OPA1: variants seen among roughly 807,000 people sequenced by gnomAD.
OPA1 encodes the protein OPA1 mitochondrial dynamin like GTPase.
Under a neutral mutation model 152.9 loss-of-function variants are expected in OPA1, and 59 were observed. That is an observed-to-expected ratio of 0.39 (90% CI 0.31 to 0.48). The LOEUF (loss-of-function observed/expected upper bound fraction) is 0.48. Among genes scored for constraint, OPA1 ranks in the 20% least tolerant of loss-of-function variants. The pLI is 0.96. For missense variants in OPA1, 1,008 were observed against 1,216.8 expected (o/e 0.83, Z 2.55); for synonymous variants, 400 against 389.9 (o/e 1.03, Z -0.31).
chr3:193,623,323 G>A (rs1730498983), intron 6 of OPA1, among the ~76,000 whole-genome samples: 2 of 152,070 alleles, frequency 1.3e-5, no homozygotes, highest in African/African-American at 4.8e-5. Flanking sequence ...TCAGACCATA[G>A]TATAATATTT....
Position 193,626,148 on chromosome 3 carries a change from A to G in OPA1, c.735A>G (p.Glu245=). ...LQQQIQEHEE[E]ARRAAGQYST... ...AACAAATTCAAGAGCATGAAGAGGA[A>G]GCGCGCAGAGCCGCTGGCCAATATA... Residue 245 remains glutamate, a synonymous_variant, in exon 7 of 31, where the codon GAA becomes GAG. Transcript: ENST00000361510. 6.2e-7 allele frequency: 1 copy of G among 1,614,158 alleles called. No homozygotes were observed.
intron 22 of OPA1, 60 bp from the exon 23 acceptor site, chr3:193,657,020 C>T (rs1714012245): frequency 1.4e-6 from 2 of 1,421,078 alleles, no homozygotes; most frequent in Non-Finnish European, 9.7e-7. Context: ...TGTTATTTTT[C>T]ATGTTAACCA....
chr3:193,594,759 TAGTC>T (rs374096904), intron 1 of OPA1, among the ~76,000 whole-genome samples: 197 of 152,324 alleles, frequency 1.3e-3, no homozygotes, highest in African/African-American at 1.8e-3. Flanking sequence ...TTAACAGTGT[TAGTC>T]AGTTAGAATT....
intron 1 of OPA1, among the ~76,000 whole-genome samples, chr3:193,607,037 A>G (rs1055566870): frequency 6.6e-6 from 1 of 152,034 alleles, no homozygotes; most frequent in Non-Finnish European, 1.5e-5. Context: ...GCATTTTTTC[A>G]TGTGTCTTTT....
Position 193,635,517 on chromosome 3 carries a change from C to A in OPA1, c.943C>A (p.Leu315Ile). ...KDDKGIHHRK[L>I]KKSLIDMYSE... ...TGACAAAGGCATTCATCATAGAAAG[C>A]TTAAGGTATTCTAAGTTTGTCTTGT... Residue 315 changes from leucine to isoleucine, a missense_variant, in exon 9 of 31, where the codon CTT becomes ATT. Transcript: ENST00000361510. 1 of 1,579,412 alleles carries A rather than the reference C, an allele frequency of 6.3e-7. No individual in the cohort carries two copies. The highest frequency in any genetic ancestry group is 8.7e-7 in the Non-Finnish European group (1 of 1,148,708).
chr3:193,627,885 C>A (rs1024857623), intron 7 of OPA1, among the ~76,000 whole-genome samples: 1 of 152,108 alleles, frequency 6.6e-6, no homozygotes, highest in Non-Finnish European at 1.5e-5. Flanking sequence ...ACTGGCAAGA[C>A]TTTTTACCCT....
chr3:193,619,029 A>G, intron 6 of OPA1, 93 bp downstream of exon 6: 1 of 983,626 alleles, frequency 1.0e-6, no homozygotes, highest in Non-Finnish European at 1.6e-6. Context: ...ATAACATCTG[A>G]GAAGCAAATA....
At chr3:193,604,162 G>A (rs1464398004) in intron 1 of OPA1, among the ~76,000 whole-genome samples, 8 of 152,242 alleles carry the variant, frequency 5.3e-5, no homozygotes, top group Non-Finnish European at 1.0e-4. Context: ...ATGCCTTAGA[G>A]ACTGGGCCTA....
chr3:193,663,148 G>T (rs967794953), intron 26 of OPA1, among the ~76,000 whole-genome samples, 186 bp downstream of exon 26: 6 of 152,174 alleles, frequency 3.9e-5, no homozygotes, highest in East Asian at 3.9e-4. Flanking sequence ...TCTCAGTATT[G>T]CTTTTTTAAG....
At chr3:193,688,979 G>A (rs1180756571) in intron 29 of OPA1, 1 of 152,126 alleles carries the variant, frequency 6.6e-6, no homozygotes. Flanking sequence ...AAGACTCTGC[G>A]TCAGACAAAC....
chr3:193,629,228 T>C (rs1731686091), intron 7 of OPA1, among the ~76,000 whole-genome samples: 1 of 152,080 alleles, frequency 6.6e-6, no homozygotes, highest in Non-Finnish European at 1.5e-5. Flanking sequence ...TCTTTTAATA[T>C]AACATTATGA....
intron 22 of OPA1, among the ~76,000 whole-genome samples, chr3:193,656,863 G>A (rs1451091672): frequency 2.6e-5 from 4 of 152,084 alleles, no homozygotes; most frequent in African/African-American, 9.7e-5. Flanking sequence ...ACATGTCTAG[G>A]AAAACATACC....
chr3:193,593,435 C>T (rs756460175), intron 1 of OPA1, 26 bp downstream of exon 1: 3 of 1,516,574 alleles, frequency 2.0e-6, no homozygotes, highest in African/African-American at 1.4e-5. Flanking sequence ...AATCTGGCCC[C>T]GTTAATTCTG....
At chr3:193,622,721 C>T (rs557600914) in intron 6 of OPA1, among the ~76,000 whole-genome samples, 1 of 152,302 alleles carries the variant, frequency 6.6e-6, no homozygotes, top group African/African-American at 2.4e-5. Context: ...ACACTATTTA[C>T]TTTGGCTTAC....
chr3:193,641,029 G>A lies in OPA1; in HGVS notation c.1150-1736G>A, dbSNP rs369156994. Among the ~76,000 whole-genome samples the A allele has an allele frequency of 6.6e-5, 10 of 152,058 alleles. No homozygotes were observed. The South Asian group carries it at 1.2e-3, about 19-fold the overall frequency. Reference sequence around the variant, plus strand: ...GACTTTACATATCCATTTTACTACCGATGGGAATTTGGGGTACATCTAACC... The same window carrying A: ...GACTTTACATATCCATTTTACTACCAATGGGAATTTGGGGTACATCTAACC... On this transcript the variant is annotated intron_variant, in intron 11 of 30. Coordinates refer to ENST00000361510, the MANE Select transcript of OPA1 (RefSeq NM_130837.3).
At chr3:193,602,195 C>T (rs750421205) in intron 1 of OPA1, among the ~76,000 whole-genome samples, 102 of 152,230 alleles carry the variant, frequency 6.7e-4, no homozygotes, top group Admixed American at 1.2e-3. Context: ...TTAAAGTCTC[C>T]AACGGGTATA....
chr3:193,681,813 A>C (rs1720180715), intron 29 of OPA1, among the ~76,000 whole-genome samples: 1 of 152,208 alleles, frequency 6.6e-6, no homozygotes, highest in East Asian at 1.9e-4. Flanking sequence ...CAGTGACCTT[A>C]ATCAGTAAAC....
In OPA1 at chr3:193,663,081, C is replaced by A. The variant is rs138761872; in HGVS notation, c.2661+119C>A. Reference sequence around the variant, plus strand: ...CTTAATTTGACTTTTGTCACGTGTACATTTGCTGACAGTAAAAGCTTAGTC... The same window carrying A: ...CTTAATTTGACTTTTGTCACGTGTAAATTTGCTGACAGTAAAAGCTTAGTC... On this transcript the variant is annotated intron_variant, in intron 26 of 30. Transcript: ENST00000361510. 4.8e-4 allele frequency: 446 copies of A among 923,550 alleles called. 3 individuals are homozygous for A. The East Asian group carries it at 9.7e-3, about 20-fold the overall frequency. The allele number at this position is 923,550 out of a possible 1,614,324, so 57.2% of individuals were successfully genotyped here.
At chr3:193,643,742 T>C in intron 15 of OPA1, 115 bp downstream of exon 15, 1 of 1,000,410 alleles carries the variant, frequency 1.0e-6, no homozygotes, top group South Asian at 1.5e-5. Flanking sequence ...ATTTTTGCCT[T>C]CTCTTCGTAT....
Sources: allele counts gnomAD v4.1 joint callset (sites outside exome capture counted in the v4.1 genomes callset), GRCh38; gene constraint gnomAD v4.1.1; transcripts MANE v1.5; gene names NCBI Gene and HGNC (gene_info 2026-07-23, HGNC 2026-07-21).